RPGRIP1: variants seen among roughly 807,000 people sequenced by gnomAD.
RPGRIP1 encodes the protein RPGR interacting protein 1.
Under a neutral mutation model 157.9 loss-of-function variants are expected in RPGRIP1, and 128 were observed. The ratio of observed to expected loss-of-function variants is 0.81; its 90% CI spans 0.70 to 0.94. The LOEUF (loss-of-function observed/expected upper bound fraction) is 0.94. RPGRIP1 is among the 40% of genes least tolerant of loss of function. RPGRIP1 has a pLI of 0.00. For synonymous variants in RPGRIP1, 554 were observed against 571.6 expected, an observed-to-expected ratio of 0.97 and a Z score of 0.44; for missense variants, 1,486 against 1,545.8, an observed-to-expected ratio of 0.96 and a Z score of 0.65.
intron 13 of RPGRIP1, 47 bp downstream of exon 13, chr14:21,321,449 G>A (rs1392933075): frequency 6.3e-7 from 1 of 1,582,504 alleles, no homozygotes; most frequent in East Asian, 2.2e-5. Flanking sequence ...CAGGAACGTG[G>A]GAACCACTCA....
intron 5 of RPGRIP1, 36 bp downstream of exon 5, chr14:21,302,620 T>C: frequency 7.9e-7 from 1 of 1,265,002 alleles, no homozygotes; most frequent in East Asian, 2.5e-5. Flanking sequence ...TTGTTATTCC[T>C]GCCACTTTAA....
intron 2 of RPGRIP1, among the ~76,000 whole-genome samples, chr14:21,294,178 C>T (rs1174666476): frequency 6.6e-6 from 1 of 151,032 alleles, no homozygotes; most frequent in African/African-American, 2.4e-5. Flanking sequence ...ATACCTCATG[C>T]TGTGATAATA....
At chr14:21,322,202 G>T (rs935140727) in intron 14 of RPGRIP1, among the ~76,000 whole-genome samples, 198 bp downstream of exon 14, 3 of 152,014 alleles carry the variant, frequency 2.0e-5, no homozygotes, top group Non-Finnish European at 4.4e-5. Flanking sequence ...CTGTCACTCA[G>T]GCTGGAGTGC....
Position 21,348,287 on chromosome 14 carries a change from G to A in RPGRIP1, c.3733G>A (p.Glu1245Lys). The stretch of plus-strand genomic sequence containing the variant: ...CCTGGAGTCAGGAAGAGATATTCTA[G>A]AGCAAGAGCTAGACAGTGAGTCATT... ...QILESGRDILEQELDIVSPED... is the reference protein window; with the variant it reads ...QILESGRDILKQELDIVSPED... Residue 1245 changes from glutamate (E) to lysine (K), a missense_variant, in exon 24 of 25, where the codon GAG becomes AAG. Glu to Lys is a moderately conservative substitution (Grantham distance 56). Transcript: ENST00000400017. 1 of 1,582,356 alleles carries A rather than the reference G, an allele frequency of 6.3e-7. No individual in the cohort carries two copies. The highest frequency in any genetic ancestry group is 1.9e-5 in the Admixed American group (1 of 53,760).
intron 3 of RPGRIP1, among the ~76,000 whole-genome samples, chr14:21,295,272 G>C (rs1880720199): frequency 6.6e-6 from 1 of 151,984 alleles, no homozygotes; most frequent in Admixed American, 6.6e-5. Flanking sequence ...CAGAATAAGA[G>C]ACTGGACAGG....
At chr14:21,326,845 A>G (rs991465885) in intron 17 of RPGRIP1, among the ~76,000 whole-genome samples, 4 of 152,150 alleles carry the variant, frequency 2.6e-5, no homozygotes, top group Admixed American at 2.6e-4. Context: ...TTTCCACACC[A>G]GATCATGACA....
At chr14:21,298,012 G>C (rs1210823415) in intron 3 of RPGRIP1, among the ~76,000 whole-genome samples, 1 of 151,928 alleles carries the variant, frequency 6.6e-6, no homozygotes, top group African/African-American at 2.4e-5. Context: ...CTAGTGCAAG[G>C]CTGAAGCCAT....
rs375787984 is a variant in RPGRIP1, at chr14:21,299,245, G to A, written c.219-1721G>A. Among the ~76,000 whole-genome samples, 8 of 151,840 alleles carry A rather than the reference G, an allele frequency of 5.3e-5. No individual in the cohort carries two copies. In the East Asian group the frequency reaches 5.8e-4, roughly 11 times the overall value. ...TCGAACTCCTGACCTCAGGTGATCCGCCCACCTCAGCCCGGCAAAGTGCTA... is the reference window on the plus strand; with the variant it reads ...TCGAACTCCTGACCTCAGGTGATCCACCCACCTCAGCCCGGCAAAGTGCTA... On this transcript the variant is annotated intron_variant, in intron 3 of 24. Coordinates refer to ENST00000400017, the MANE Select transcript of RPGRIP1 (RefSeq NM_020366.4).
At chr14:21,348,515 T>C (rs923743733) in intron 24 of RPGRIP1, among the ~76,000 whole-genome samples, 9 of 152,182 alleles carry the variant, frequency 5.9e-5, no homozygotes, top group Admixed American at 1.3e-4. Context: ...CAACTAGAAT[T>C]GATTTTGAAT....
chr14:21,289,165 A>G (rs1880419148), intron 2 of RPGRIP1, among the ~76,000 whole-genome samples: 1 of 152,054 alleles, frequency 6.6e-6, no homozygotes, highest in Admixed American at 6.6e-5. Context: ...GTCTCTACTA[A>G]AAATACAAAA....
chr14:21,302,653 A>G (rs1201722736), intron 5 of RPGRIP1, 69 bp downstream of exon 5: 1 of 984,246 alleles, frequency 1.0e-6, no homozygotes, highest in African/African-American at 1.6e-5. Context: ...CATTTAGGGA[A>G]CAAATGAATG....
intron 24 of RPGRIP1, among the ~76,000 whole-genome samples, chr14:21,350,377 A>C (rs1339492631): frequency 3.5e-5 from 1 of 28,660 alleles, no homozygotes; most frequent in East Asian, 8.3e-4. Flanking sequence ...CTCTGTCTCC[A>C]AAAAAAAAAA....
At position 21,334,699 on chromosome 14, in the gene RPGRIP1, T is replaced by G; in HGVS notation, c.3333T>G (p.Pro1111=). ...VIVPPMSQKY[P]KADSEKMCIE... is the part of the protein sequence containing the mutation. Reference sequence around the variant, plus strand: ...TGCCACCCATGTCTCAGAAATATCCTAAGGCAGTAAGTACACTGGAGTAAT... The same window carrying G: ...TGCCACCCATGTCTCAGAAATATCCGAAGGCAGTAAGTACACTGGAGTAAT... Residue 1111 remains proline (P), a synonymous_variant, in exon 21 of 25, where the codon CCT becomes CCG. Coordinates refer to ENST00000400017, the MANE Select transcript of RPGRIP1 (RefSeq NM_020366.4). 1 of 1,584,424 alleles carries G rather than the reference T, an allele frequency of 6.3e-7. No homozygotes were observed. Among genetic ancestry groups the G allele is most frequent in the Non-Finnish European group, 8.6e-7 (1 of 1,158,846 alleles).
chr14:21,319,947 A>G, intron 11 of RPGRIP1, 70 bp from the exon 12 acceptor site: 1 of 1,401,416 alleles, frequency 7.1e-7, no homozygotes, highest in African/African-American at 1.4e-5. Context: ...TTAAATTCAC[A>G]CTTGATCCAA....
intron 14 of RPGRIP1, 24 bp downstream of exon 14, chr14:21,322,028 C>T (rs928689860): frequency 1.2e-6 from 2 of 1,601,284 alleles, no homozygotes; most frequent in East Asian, 2.2e-5. Flanking sequence ...CTTTGTTCTC[C>T]TCACTTCGGG....
At chr14:21,303,255 ATTTCTTTTTATATGTG>A in intron 5 of RPGRIP1, 60 bp from the exon 6 acceptor site, 1 of 995,626 alleles carries the variant, frequency 1.0e-6, no homozygotes, top group Non-Finnish European at 1.5e-6. Flanking sequence ...GATTCACTTA[ATTTCTTTTTATATGTG>A]TAAGAACCCA....
intron 14 of RPGRIP1, among the ~76,000 whole-genome samples, chr14:21,322,648 T>G (rs943825919): frequency 6.6e-6 from 1 of 152,126 alleles, no homozygotes; most frequent in Non-Finnish European, 1.5e-5. Flanking sequence ...TCTCATTCTT[T>G]CTCTCTTGCT....
At chr14:21,290,800 CAG>C (rs1248349970) in intron 2 of RPGRIP1, among the ~76,000 whole-genome samples, 6 of 141,478 alleles carry the variant, frequency 4.2e-5, no homozygotes, top group Non-Finnish European at 9.1e-5. Flanking sequence ...GCCTGGGCGA[CAG>C]AGTGAGACTC....
chr14:21,351,296 C>A lies in RPGRIP1; in HGVS notation c.*80C>A. The A allele has an allele frequency of 1.2e-6, 1 of 838,754 alleles. No homozygotes were observed. Among genetic ancestry groups the A allele is most frequent in the Non-Finnish European group, 2.0e-6 (1 of 509,064 alleles). 52.0% of individuals were successfully genotyped at this position (838,754 alleles called of 1,614,324 possible). A position where few individuals can be genotyped will look rare whatever the true frequency, so the allele number is the denominator to read the frequency against. ...CTCTTATAAAGTTAGCTTGCTATAA[C>A]ATGAATTTGGTTTACTGTGATGTCT... On this transcript the variant is annotated 3_prime_UTR_variant, in exon 25 of 25. Coordinates refer to ENST00000400017, the MANE Select transcript of RPGRIP1 (RefSeq NM_020366.4).
Sources: gnomAD v4.1 joint callset for allele counts (sites outside exome capture counted in the v4.1 genomes callset) on GRCh38, gnomAD v4.1.1 for gene constraint, MANE v1.5 for transcripts, NCBI Gene and HGNC (gene_info 2026-07-23, HGNC 2026-07-21) for gene names.